EIF4G2: variants seen among roughly 807,000 people sequenced by gnomAD.
EIF4G2 encodes the protein eukaryotic translation initiation factor 4 gamma 2.
A neutral mutation model predicts 117.7 loss-of-function variants in EIF4G2; 8 were observed. The observed-to-expected ratio is 0.07, with a 90% confidence interval of 0.04 to 0.12. The LOEUF (loss-of-function observed/expected upper bound fraction) is 0.12. Ranked by LOEUF, EIF4G2 falls within the 10% of genes least tolerant of loss-of-function variation. The probability of loss-of-function intolerance (pLI) is 1.00; values close to 1 mark genes in which losing one functional copy is unlikely to be tolerated. For missense variants in EIF4G2, 812 were observed against 1,086.2 expected, an observed-to-expected ratio of 0.75 and a Z score of 3.55; for synonymous variants, 413 against 367.8, an observed-to-expected ratio of 1.12 and a Z score of -1.41.
At position 10,799,199 on chromosome 11, in the gene EIF4G2, A is replaced by C; in HGVS notation, c.2536+14T>G. The C allele has an allele frequency of 1.2e-6, 2 of 1,613,768 alleles. No homozygotes were observed. The highest frequency in any genetic ancestry group is 1.7e-6 in the Non-Finnish European group (2 of 1,179,792). ...AACTTCCTCACGCCGTTCTTCTGATACAAGTCCTCTCACCTTTTGGGAAGT... is the reference window on the plus strand; with the variant it reads ...AACTTCCTCACGCCGTTCTTCTGATCCAAGTCCTCTCACCTTTTGGGAAGT... On this transcript the variant is annotated intron_variant, in intron 20 of 21. Coordinates refer to ENST00000339995, the MANE Select transcript of EIF4G2 (RefSeq NM_001418.4).
At chr11:10,806,735 G>A in intron 3 of EIF4G2, 85 bp downstream of exon 3, 1 of 1,432,018 alleles carries the variant, frequency 7.0e-7, no homozygotes, top group Non-Finnish European at 9.8e-7. Context: ...AGTCTTGATG[G>A]CTATTGCCTT....
At position 10,803,626 on chromosome 11, in the gene EIF4G2, G is replaced by T. The variant is rs1260697941; in HGVS notation, c.703-36C>A. 2 of 1,554,320 alleles carry T rather than the reference G, an allele frequency of 1.3e-6. No individual in the cohort carries two copies. Among genetic ancestry groups the T allele is most frequent in the African/African-American group, 1.4e-5 (1 of 73,736 alleles). On this transcript the variant is annotated intron_variant, in intron 8 of 21. Coordinates refer to ENST00000339995, the MANE Select transcript of EIF4G2 (RefSeq NM_001418.4). This position sits in a 1 kb window ranked among gnomAD's most constrained non-coding sequence, Gnocchi z 4.0. ...AAAAGGCCATGGTGACAAAGTTTTA[G>T]TTACTCTGGTTTAGGCGTAGTACTT...
chr11:10,807,121 G>A (rs536528028), intron 2 of EIF4G2, 134 bp downstream of exon 2: 5 of 1,357,714 alleles, frequency 3.7e-6, no homozygotes, highest in Admixed American at 2.3e-5. Context: ...GCAGTTCTTA[G>A]AAGGCTGTCA....
chr11:10,799,939 ATC>A, intron 18 of EIF4G2, 149 bp downstream of exon 18: 4 of 1,163,022 alleles, frequency 3.4e-6, no homozygotes, highest in African/African-American at 1.6e-5. Flanking sequence ...TAAATTATAA[ATC>A]TCTCTTTATA....
rs1462116517 is a variant in EIF4G2 at position 10,803,474 on chromosome 11, A to C, written c.813+6T>G. Reference sequence around the variant, plus strand: ...CTTGTACTACTTTCATCAGCTACACACGTACCTTGGCTCGTTCATGGTCTA... The same window carrying C: ...CTTGTACTACTTTCATCAGCTACACCCGTACCTTGGCTCGTTCATGGTCTA... On this transcript the variant is annotated splice_donor_region_variant and intron_variant, in intron 9 of 21. Transcript: ENST00000339995. The surrounding 1 kb of genome is among the most constrained non-coding windows in gnomAD (Gnocchi z 4.0). The C allele has an allele frequency of 1.2e-6, 2 of 1,612,376 alleles. No individual in the cohort carries two copies. The highest frequency in any genetic ancestry group is 3.3e-5 in the Admixed American group (2 of 60,014).
At chr11:10,801,858 C>A in intron 13 of EIF4G2, 84 bp from the exon 14 acceptor site, 3 of 1,351,634 alleles carry the variant, frequency 2.2e-6, no homozygotes, top group East Asian at 2.3e-5. Flanking sequence ...ATGAGCCAAG[C>A]CATAAAGTTA....
At chr11:10,802,512 G>A (rs967465969) in intron 11 of EIF4G2, 77 bp from the exon 12 acceptor site, 4 of 1,445,352 alleles carry the variant, frequency 2.8e-6, no homozygotes, top group Non-Finnish European at 2.8e-6. Flanking sequence ...TGCAACTAGG[G>A]GGGGAAACCT....
intron 3 of EIF4G2, 181 bp from the exon 4 acceptor site, chr11:10,806,228 A>G: frequency 1.2e-6 from 1 of 801,646 alleles, no homozygotes; most frequent in Non-Finnish European, 1.9e-6. Flanking sequence ...AGGGCTTGTT[A>G]ATACAGATTG....
At chr11:10,806,547 G>T (rs1451022861) in intron 3 of EIF4G2, 1 of 431,410 alleles carries the variant, frequency 2.3e-6, no homozygotes, top group East Asian at 3.9e-5. Flanking sequence ...ATAACAATCA[G>T]TAGGAATAAT....
In EIF4G2 at chr11:10,801,656, T is replaced by G. The variant is rs944691822; in HGVS notation, c.1413+5A>C. On this transcript the variant is annotated splice_donor_5th_base_variant and intron_variant, in intron 14 of 21. Transcript: ENST00000339995. ...ATGGTATATAAGTAACATAGGCAAATGTACCTCATCTGCATTAAGCTGTCC... is the reference window on the plus strand; with the variant it reads ...ATGGTATATAAGTAACATAGGCAAAGGTACCTCATCTGCATTAAGCTGTCC... 35 of 1,612,806 alleles carry G rather than the reference T, an allele frequency of 2.2e-5. No individual in the cohort carries two copies. The highest frequency in any genetic ancestry group is 2.8e-5 in the Non-Finnish European group (33 of 1,178,922).
Position 10,797,510 on chromosome 11 carries a change from T to C in EIF4G2, c.*306A>G, listed in dbSNP as rs1847291191. On this transcript the variant is annotated 3_prime_UTR_variant, in exon 22 of 22. Transcript: ENST00000339995. This position sits in a 1 kb window ranked among gnomAD's most constrained non-coding sequence, Gnocchi z 4.5. ...TTTTCTAACTTAAAACAGCCTATGA[T>C]AACTGGCAGCAAAGAAGGTCCTTGC... 2 of 307,482 alleles carry C rather than the reference T, an allele frequency of 6.5e-6. No individual in the cohort carries two copies. The highest frequency in any genetic ancestry group is 9.5e-5 in the Admixed American group (2 of 20,968). The allele number at this position is 307,482 out of a possible 1,614,324, so 19.0% of individuals were successfully genotyped here.
intron 21 of EIF4G2, 40 bp downstream of exon 21, chr11:10,798,952 A>G: frequency 1.9e-6 from 3 of 1,577,634 alleles, no homozygotes; most frequent in Non-Finnish European, 2.6e-6. Context: ...ATACCAAGCA[A>G]ACTGAAGTAA....
intron 1 of EIF4G2, chr11:10,807,884 G>T: frequency 2.0e-6 from 2 of 1,007,326 alleles, no homozygotes; most frequent in Non-Finnish European, 2.4e-6. Context: ...ACTAGCACTT[G>T]CAGGCGGAAG....
chr11:10,802,988 A>C (rs1439267045), intron 11 of EIF4G2, 42 bp downstream of exon 11: 5 of 1,575,650 alleles, frequency 3.2e-6, no homozygotes, highest in Non-Finnish European at 4.3e-6. Flanking sequence ...TATTCTACAC[A>C]CACAGAGTCT....
rs1388737026 is a variant in EIF4G2 at position 10,803,689 on chromosome 11, C to G, written c.703-99G>C. 1 of 1,206,020 alleles carries G rather than the reference C, an allele frequency of 8.3e-7. No individual in the cohort carries two copies. Among genetic ancestry groups the G allele is most frequent in the East Asian group, 2.4e-5 (1 of 42,474 alleles). The allele number at this position is 1,206,020 out of a possible 1,614,324, so 74.7% of individuals were successfully genotyped here. A position where few individuals can be genotyped will look rare whatever the true frequency, so the allele number is the denominator to read the frequency against. On this transcript the variant is annotated intron_variant, in intron 8 of 21. Transcript: ENST00000339995. This position sits in a 1 kb window ranked among gnomAD's most constrained non-coding sequence, Gnocchi z 4.0. ...TGTTTGCACTGACTCATTCACAGTTCCTACAGAATCTAGTATAGGGCTTTC... is the reference window on the plus strand; with the variant it reads ...TGTTTGCACTGACTCATTCACAGTTGCTACAGAATCTAGTATAGGGCTTTC...
rs368140901 is a variant in EIF4G2, at chr11:10,802,069, C to T, written c.1279G>A (p.Gly427Ser). The T allele has an allele frequency of 6.8e-6, 5 of 734,130 alleles. No homozygotes were observed. In the Admixed American group the frequency reaches 3.1e-4, roughly 46 times the overall value. 45.5% of individuals were successfully genotyped at this position (734,130 alleles called of 1,614,324 possible). Residue 427 changes from glycine to serine, a missense_variant, in exon 13 of 22, where the codon GGC becomes AGC. Physicochemically the swap from Gly to Ser is moderately conservative, Grantham distance 56. Coordinates refer to ENST00000339995, the MANE Select transcript of EIF4G2 (RefSeq NM_001418.4). ...CTTACCTGGCTTTTCATAAACTTGC[C>T]TCCCATCTCTCCAAACTGCGATTGT...
In EIF4G2 at chr11:10,803,848, A is replaced by G. The variant is rs756982360; in HGVS notation, c.702+51T>C. ...TCCCTCTTAGATGAATAATTGACTC[A>G]TTTCCTCCAAACGACTGACTACATT... On this transcript the variant is annotated intron_variant, in intron 8 of 21. Transcript: ENST00000339995. This position sits in a 1 kb window ranked among gnomAD's most constrained non-coding sequence, Gnocchi z 4.0. 1 of 1,573,950 alleles carries G rather than the reference A, an allele frequency of 6.4e-7. No individual in the cohort carries two copies. The highest frequency in any genetic ancestry group is 1.2e-5 in the South Asian group (1 of 86,588).
chr11:10,803,740 C>A lies in EIF4G2; in HGVS notation c.703-150G>T. On this transcript the variant is annotated intron_variant, in intron 8 of 21. Transcript: ENST00000339995. The surrounding 1 kb of genome is among the most constrained non-coding windows in gnomAD (Gnocchi z 4.0). ...TACCAGTCTGGTTGATCAGTTCTAA[C>A]TCTACTTTGTCAAACACACCACGTA... 1 of 1,174,520 alleles carries A rather than the reference C, an allele frequency of 8.5e-7. No homozygotes were observed. The highest frequency in any genetic ancestry group is 1.4e-5 in the South Asian group (1 of 69,132). 72.8% of individuals were successfully genotyped at this position (1,174,520 alleles called of 1,614,324 possible). A position where few individuals can be genotyped will look rare whatever the true frequency, so the allele number is the denominator to read the frequency against.
Position 10,800,249 on chromosome 11 carries a change from C to T in EIF4G2, c.1960G>A (p.Glu654Lys). The T allele has an allele frequency of 6.2e-7, 1 of 1,614,190 alleles. No individual in the cohort carries two copies. The highest frequency in any genetic ancestry group is 8.5e-7 in the Non-Finnish European group (1 of 1,180,020). The change falls in exon 18 of 22, where the codon GAG becomes AAG. Residue 654 changes from glutamate (E) to lysine (K), a missense_variant. By Grantham distance (56) the Glu-to-Lys change is moderately conservative. Around this residue, in one of 4 missense-constraint regions of EIF4G2, gnomAD observed 571 missense variants for 642.3 expected, o/e 0.89. Transcript: ENST00000339995. ...GCTAGTTCTGAAATGCTCACCAGCT[C>T]TGAAATGATGGCACGAGCTGCAAAC...
Sources: gnomAD v4.1 joint callset for allele counts on GRCh38, gnomAD v4.1.1 for gene constraint, gnomAD v4.1.1 regional missense constraint, Gnocchi (gnomAD v3.1) non-coding constraint, MANE v1.5 for transcripts, NCBI Gene and HGNC (gene_info 2026-07-23, HGNC 2026-07-21) for gene names.